CAMTA1: variants seen among roughly 807,000 people sequenced by gnomAD.
CAMTA1 encodes the protein calmodulin-binding transcription activator 1.
A neutral mutation model predicts 170.9 loss-of-function variants in CAMTA1; 27 were observed. The observed-to-expected ratio is 0.16, with a 90% CI of 0.12 to 0.22. The LOEUF (loss-of-function observed/expected upper bound fraction) is 0.22, where lower values mean the gene tolerates loss of function less well. Among genes scored for constraint, CAMTA1 ranks in the 10% least tolerant of loss-of-function variants. The pLI is 1.00. For synonymous variants in CAMTA1, 833 were observed against 891.5 expected (o/e 0.93, Z 1.17); for missense variants, 1,619 against 2,217.2 (o/e 0.73, Z 5.42).
intron 4 of CAMTA1, among the ~76,000 whole-genome samples, chr1:7,096,347 C>T (rs144888998): frequency 6.6e-6 from 1 of 152,290 alleles, no homozygotes; most frequent in African/African-American, 2.4e-5. Flanking sequence ...TGATCCTCTG[C>T]TCTTTCTTCC....
intron 11 of CAMTA1, among the ~76,000 whole-genome samples, chr1:7,712,326 A>AT (rs112270408): frequency 0.017 from 2,513 of 146,548 alleles, 71 homozygotes; most frequent in African/African-American, 0.054. Context: ...TATAATTACT[A>AT]TTTTTTTTTT....
rs751581015 is a variant in CAMTA1, at chr1:7,608,045, C to A, written c.511-32355C>A. ...TCTGGCCTCCATAGTTCCTCCTGAG[C>A]CCCTGTCCTCAACTGGGTCAAGGAG... On this transcript the variant is annotated intron_variant, in intron 6 of 22. Coordinates refer to ENST00000303635, the MANE Select transcript of CAMTA1 (RefSeq NM_015215.4). 4.3e-4 allele frequency among the ~76,000 whole-genome samples: 66 copies of A among 152,192 alleles called. 2 individuals are homozygous for A. Among genetic ancestry groups the A allele is most frequent in the South Asian group, 1.2e-3 (6 of 4,832 alleles).
At chr1:6,963,632 G>A (rs1690958810) in intron 3 of CAMTA1, among the ~76,000 whole-genome samples, 1 of 152,164 alleles carries the variant, frequency 6.6e-6, no homozygotes, top group Non-Finnish European at 1.5e-5. Context: ...GAAGCATCGG[G>A]CAAGGCGGCG....
intron 4 of CAMTA1, among the ~76,000 whole-genome samples, chr1:7,103,622 C>CACAGA (rs1553246273): frequency 6.8e-6 from 1 of 147,248 alleles, no homozygotes; most frequent in Non-Finnish European, 1.5e-5. Context: ...CACACACGCA[C>CACAGA]ACACAACTAC....
At chr1:7,329,536 T>C (rs2082893769) in intron 5 of CAMTA1, among the ~76,000 whole-genome samples, 1 of 152,218 alleles carries the variant, frequency 6.6e-6, no homozygotes, top group Admixed American at 6.5e-5. Flanking sequence ...AAACTCTTTT[T>C]TATGTTTCTC....
intron 11 of CAMTA1, among the ~76,000 whole-genome samples, chr1:7,705,833 G>A (rs2096517738): frequency 1.3e-5 from 2 of 152,216 alleles, no homozygotes; most frequent in East Asian, 1.9e-4. Context: ...GGAAGGCTCG[G>A]AGGAACTTCT....
chr1:7,456,320 G>A lies in CAMTA1; in HGVS notation c.439-11510G>A, dbSNP rs2092952778. Reference sequence around the variant, plus strand: ...AGGACAGGGAGCGGGAAGGAGGAAGGCAGGCCATCACCAGTATACACCACT... The same window carrying A: ...AGGACAGGGAGCGGGAAGGAGGAAGACAGGCCATCACCAGTATACACCACT... On this transcript the variant is annotated intron_variant, in intron 5 of 22. Transcript: ENST00000303635. The surrounding 1 kb of genome is among the most constrained non-coding windows in gnomAD (Gnocchi z 4.9). 6.6e-6 allele frequency among the ~76,000 whole-genome samples: 1 copy of A among 152,016 alleles called. No individual in the cohort carries two copies. Among genetic ancestry groups the A allele is most frequent in the South Asian group, 2.1e-4 (1 of 4,808 alleles).
chr1:6,968,412 C>T (rs1054473125), intron 3 of CAMTA1, among the ~76,000 whole-genome samples: 1 of 152,166 alleles, frequency 6.6e-6, no homozygotes, highest in Non-Finnish European at 1.5e-5. Context: ...AGTTCTCCTC[C>T]CCGCTCCCTG....
intron 3 of CAMTA1, among the ~76,000 whole-genome samples, chr1:6,833,574 T>C (rs968129692): frequency 6.6e-6 from 1 of 152,250 alleles, no homozygotes; most frequent in African/African-American, 2.4e-5. Context: ...GGTACTATCT[T>C]GTGTCCTGCA....
At chr1:6,844,023 A>T (rs1261381290) in intron 3 of CAMTA1, among the ~76,000 whole-genome samples, 1 of 152,114 alleles carries the variant, frequency 6.6e-6, no homozygotes, top group Non-Finnish European at 1.5e-5. Flanking sequence ...CAGCAGTTCT[A>T]CTCCTTATGT....
intron 6 of CAMTA1, among the ~76,000 whole-genome samples, chr1:7,554,738 C>G (rs949484194): frequency 2.0e-5 from 3 of 152,092 alleles, no homozygotes; most frequent in African/African-American, 7.2e-5. Flanking sequence ...CCTCCTCCCC[C>G]AGGACTTGAG....
intron 3 of CAMTA1, among the ~76,000 whole-genome samples, chr1:6,852,426 C>G (rs1349039922): frequency 6.6e-6 from 1 of 152,170 alleles, no homozygotes; most frequent in Non-Finnish European, 1.5e-5. Context: ...AGGTTGAGAG[C>G]TTGGCCTCAC....
At chr1:7,690,934 T>C (rs2149403016) in intron 11 of CAMTA1, among the ~76,000 whole-genome samples, 1 of 152,372 alleles carries the variant, frequency 6.6e-6, no homozygotes, top group African/African-American at 2.4e-5. Context: ...TTCCCGGTTA[T>C]TCACGACAAC....
chr1:7,332,614 C>T (rs1039232132), intron 5 of CAMTA1, among the ~76,000 whole-genome samples: 1 of 152,134 alleles, frequency 6.6e-6, no homozygotes, highest in African/African-American at 2.4e-5. Context: ...GAATTATTCA[C>T]CTAATTTTCC....
At chr1:7,513,940 CA>C (rs2094241836) in intron 6 of CAMTA1, among the ~76,000 whole-genome samples, 1 of 76,898 alleles carries the variant, frequency 1.3e-5, no homozygotes, top group Non-Finnish European at 3.2e-5. Flanking sequence ...CATACACACA[CA>C]CACACATACA....
chr1:7,019,403 G>A (rs1199153626), intron 3 of CAMTA1, among the ~76,000 whole-genome samples: 1 of 152,214 alleles, frequency 6.6e-6, no homozygotes, highest in Non-Finnish European at 1.5e-5. Context: ...ATTTCAGGCT[G>A]TGTGTGTAAA....
At chr1:6,975,691 C>G (rs972114181) in intron 3 of CAMTA1, among the ~76,000 whole-genome samples, 1 of 152,062 alleles carries the variant, frequency 6.6e-6, no homozygotes, top group Non-Finnish European at 1.5e-5. Context: ...CATGTAAAGC[C>G]TACAATTCAG....
chr1:7,659,780 T>C (rs977993496), intron 7 of CAMTA1, among the ~76,000 whole-genome samples: 23 of 152,238 alleles, frequency 1.5e-4, no homozygotes, highest in African/African-American at 4.1e-4. Flanking sequence ...GTCATCACCA[T>C]CATCACTAGT....
At position 7,752,425 on chromosome 1, in the gene CAMTA1, CCTT is replaced by C. The variant is rs754993101; in HGVS notation, c.4884-30_4884-28del. ...TTTTCCATATTGGGCTTTACTGTAA[CCTT>C]CTTGTGACAATAATATTCTGACTTT... On this transcript the variant is annotated intron_variant, in intron 20 of 22. Transcript: ENST00000303635. 1.0e-5 allele frequency: 16 copies of C among 1,596,288 alleles called. No individual in the cohort carries two copies. In the East Asian group the frequency reaches 2.9e-4, roughly 29 times the overall value.
Sources: allele counts gnomAD v4.1 joint callset (sites outside exome capture counted in the v4.1 genomes callset), GRCh38; gene constraint gnomAD v4.1.1; non-coding constraint Gnocchi (gnomAD v3.1); transcripts MANE v1.5; gene names NCBI Gene and HGNC (gene_info 2026-07-23, HGNC 2026-07-21).